OGDHL: variants seen among roughly 807,000 people sequenced by gnomAD.
OGDHL encodes oxoglutarate dehydrogenase L, also known as 2-oxoglutarate dehydrogenase-like, mitochondrial.
In OGDHL, 79 loss-of-function variants were observed where a neutral mutation model predicts 109.6. The observed-to-expected ratio is 0.72, with a 90% confidence interval of 0.60 to 0.87. OGDHL has a LOEUF of 0.87. OGDHL is among the 40% of genes least tolerant of loss of function. OGDHL has a pLI of 0.00. For missense variants in OGDHL, 1,275 were observed against 1,362.2 expected (o/e 0.94, Z 1.01); for synonymous variants, 528 against 537.2 (o/e 0.98, Z 0.24).
rs1451073881 is a variant in OGDHL at position 49,758,537 on chromosome 10, A to C, written c.56T>G (p.Leu19Arg). 1 of 1,613,944 alleles carries C rather than the reference A, an allele frequency of 6.2e-7. No individual in the cohort carries two copies. Among genetic ancestry groups the C allele is most frequent in the Non-Finnish European group, 8.5e-7 (1 of 1,180,034 alleles). ...SRLGVQAARL[L>R]AAHDVPVFGW... ...AAACACCGGGACGTCATGTGCAGCC[A>C]GGAGCCTCGCAGCCTGTACCCCAAG... is the stretch of plus-strand genomic sequence containing the variant. The change falls in exon 2 of 23, where the codon CTG becomes CGG. Residue 19 changes from leucine to arginine, a missense_variant. By Grantham distance (102) the Leu-to-Arg change is moderately radical. Transcript: ENST00000374103.
intron 3 of OGDHL, 132 bp from the exon 4 acceptor site, chr10:49,752,872 G>T: frequency 1.5e-6 from 1 of 646,320 alleles, no homozygotes; most frequent in Non-Finnish European, 2.7e-6. Flanking sequence ...CTGCCCCGCG[G>T]CTACTTCACT....
chr10:49,750,751 C>A, intron 7 of OGDHL, 88 bp downstream of exon 7: 1 of 1,468,630 alleles, frequency 6.8e-7, no homozygotes, highest in Admixed American at 2.2e-5. Flanking sequence ...CCACCAACAC[C>A]TCCGCTCTGA....
In OGDHL at chr10:49,747,347, C is replaced by T. The variant is rs1842272280; in HGVS notation, c.988-139G>A. 5 of 862,956 alleles carry T rather than the reference C, an allele frequency of 5.8e-6. No homozygotes were observed. The Admixed American group carries it at 9.1e-5, about 16-fold the overall frequency. 53.5% of individuals were successfully genotyped at this position (862,956 alleles called of 1,614,324 possible). A position where few individuals can be genotyped will look rare whatever the true frequency, so the allele number is the denominator to read the frequency against. On this transcript the variant is annotated intron_variant, in intron 8 of 22. Transcript: ENST00000374103. ...CCTCAGAGGGCCAAGCTGTCTCTGA[C>T]CCCTCTCTCCTCATCACACTGCCCC... is the stretch of plus-strand genomic sequence containing the variant.
At chr10:49,743,186 G>T (rs1841921448) in intron 14 of OGDHL, among the ~76,000 whole-genome samples, 1 of 152,236 alleles carries the variant, frequency 6.6e-6, no homozygotes. Context: ...GGGTGGAGCA[G>T]GTACCACTTG....
At chr10:49,745,626 A>G (rs1842124174) in intron 11 of OGDHL, 130 bp from the exon 12 acceptor site, 2 of 1,330,782 alleles carry the variant, frequency 1.5e-6, no homozygotes, top group East Asian at 4.7e-5. Context: ...ATCACCTATC[A>G]CCGAATGAAT....
chr10:49,735,661 G>A (rs1841101898), intron 22 of OGDHL, among the ~76,000 whole-genome samples: 1 of 152,202 alleles, frequency 6.6e-6, no homozygotes, highest in South Asian at 2.1e-4. Context: ...AGTTTCTCAG[G>A]ACCCTCTCCC....
At chr10:49,749,925 A>G (rs1189301945) in intron 7 of OGDHL, 109 bp from the exon 8 acceptor site, 4 of 831,504 alleles carry the variant, frequency 4.8e-6, no homozygotes, top group Non-Finnish European at 7.6e-6. Context: ...TCGTGCCCAG[A>G]GCCCTCCTCA....
At chr10:49,759,883 A>T (rs1843162664) in intron 1 of OGDHL, among the ~76,000 whole-genome samples, 1 of 152,154 alleles carries the variant, frequency 6.6e-6, no homozygotes, top group South Asian at 2.1e-4. Flanking sequence ...TCTGGGGTAT[A>T]ACTGGCTTCC....
At chr10:49,745,211 T>C (rs1842086003) in intron 12 of OGDHL, 133 bp downstream of exon 12, 2 of 1,190,578 alleles carry the variant, frequency 1.7e-6, no homozygotes, top group Admixed American at 2.6e-5. Flanking sequence ...CTGGGGCCTC[T>C]TGGGGACAAG....
rs1842098370 is a variant in OGDHL at position 49,745,366 on chromosome 10, G to A, written c.1607C>T (p.Thr536Ile). ...CACCTCAAACTCCTGCAGGGTGACT[G>A]TGCCCTCGGCAATCAGCTTGTCTGC... ...KYADKLIAEG[T>I]VTLQEFEEEI... The change falls in exon 12 of 23, where the codon ACA (threonine) becomes ATA (isoleucine). Residue 536 changes from threonine (T) to isoleucine (I), a missense_variant. Transcript: ENST00000374103. The A allele has an allele frequency of 6.2e-7, 1 of 1,613,840 alleles. No individual in the cohort carries two copies. Among genetic ancestry groups the A allele is most frequent in the Non-Finnish European group, 8.5e-7 (1 of 1,180,018 alleles).
At chr10:49,752,768 G>T in intron 3 of OGDHL, 28 bp from the exon 4 acceptor site, 1 of 1,554,928 alleles carries the variant, frequency 6.4e-7, no homozygotes, top group Non-Finnish European at 8.9e-7. Flanking sequence ...AGCAGGGTGG[G>T]GCTGGGACCC....
At chr10:49,746,663 G>C (rs1483474179) in intron 10 of OGDHL, 87 bp downstream of exon 10, 2 of 1,541,586 alleles carry the variant, frequency 1.3e-6, no homozygotes, top group Non-Finnish European at 1.8e-6. Context: ...CTCAGAGCCA[G>C]GAGCATCTCA....
intron 1 of OGDHL, among the ~76,000 whole-genome samples, chr10:49,761,541 C>T (rs1322367024): frequency 6.6e-6 from 1 of 152,210 alleles, no homozygotes; most frequent in Non-Finnish European, 1.5e-5. Flanking sequence ...CAACAAACCG[C>T]AATTCTATTT....
In OGDHL at chr10:49,736,514, CTGGTCCCTGAGGGACCAACAGGACA is replaced by C; in HGVS notation, c.2591-19_2596del. 2 of 1,613,126 alleles carry C rather than the reference CTGGTCCCTGAGGGACCAACAGGACA, an allele frequency of 1.2e-6. No individual in the cohort carries two copies. The highest frequency in any genetic ancestry group is 1.7e-6 in the Non-Finnish European group (2 of 1,179,928). On this transcript the variant is annotated splice_acceptor_variant and splice_polypyrimidine_tract_variant and coding_sequence_variant and intron_variant, in exon 21 of 23. Coordinates refer to ENST00000374103, the MANE Select transcript of OGDHL (RefSeq NM_018245.3). LOFTEE classifies it high-confidence loss of function. ...ATCTTCAGGAATCACCCGCTGGAAGCTGGTCCCTGAGGGACCAACAGGACATGGCAGAGGCGTTGGTACCCAGAGG... is the reference window on the plus strand; with the variant it reads ...ATCTTCAGGAATCACCCGCTGGAAGCTGGCAGAGGCGTTGGTACCCAGAGG...
intron 20 of OGDHL, among the ~76,000 whole-genome samples, chr10:49,737,162 G>C (rs1841258842): frequency 6.6e-6 from 1 of 152,156 alleles, no homozygotes; most frequent in Admixed American, 6.5e-5. Flanking sequence ...AGGTAGTCCA[G>C]TCCCGACATC....
chr10:49,737,712 C>A, intron 20 of OGDHL, 74 bp downstream of exon 20: 1 of 1,538,742 alleles, frequency 6.5e-7, no homozygotes, highest in Non-Finnish European at 9.0e-7. Flanking sequence ...TTGGAGAAGC[C>A]CCAGAAGCAG....
At chr10:49,749,685 C>A in intron 8 of OGDHL, 41 bp downstream of exon 8, 1 of 1,528,752 alleles carries the variant, frequency 6.5e-7, no homozygotes. Context: ...TCCCAAACAC[C>A]CAGCTCTCCA....
Position 49,752,655 on chromosome 10 carries a change from G to A in OGDHL, c.461C>T (p.Thr154Ile), listed in dbSNP as rs756747597. 8 of 1,613,998 alleles carry A rather than the reference G, an allele frequency of 5.0e-6. No homozygotes were observed. The highest frequency in any genetic ancestry group is 2.2e-5 in the South Asian group (2 of 91,082). Residue 154 changes from threonine (T) to isoleucine (I), a missense_variant, in exon 4 of 23, where the codon ACA becomes ATA. Coordinates refer to ENST00000374103, the MANE Select transcript of OGDHL (RefSeq NM_018245.3). ...LDSFVPSDLI[T>I]TIDKLAFYDL... ...GGTCTTACCCAGTTTATCAATGGTT[G>A]TGATCAAGTCTGAGGGCACAAAGGA...
intron 7 of OGDHL, among the ~76,000 whole-genome samples, chr10:49,750,635 C>T (rs1052185103): frequency 6.6e-6 from 1 of 152,192 alleles, no homozygotes; most frequent in Non-Finnish European, 1.5e-5. Context: ...ACCTGGTTAG[C>T]ACCCGGCCCC....
Sources: gnomAD v4.1 joint callset for allele counts (sites outside exome capture counted in the v4.1 genomes callset) on GRCh38, gnomAD v4.1.1 for gene constraint, MANE v1.5 for transcripts, NCBI Gene and HGNC (gene_info 2026-07-23, HGNC 2026-07-21) for gene names.